Variants in NFXL1 observed in about 807,000 individuals in gnomAD.
NFXL1 encodes the protein nuclear transcription factor, X-box binding like 1.
NFXL1 carries 66 observed loss-of-function variants against 123.3 expected under a neutral mutation model. The ratio of observed to expected loss-of-function variants is 0.54; its 90% CI spans 0.44 to 0.66. NFXL1 has a LOEUF of 0.66. NFXL1 is among the 30% of genes least tolerant of loss of function. The pLI is 0.00. For missense variants in NFXL1, 944 were observed against 1,125.6 expected (o/e 0.84, Z 2.31); for synonymous variants, 346 against 360.8 (o/e 0.96, Z 0.46).
At position 47,899,458 on chromosome 4, in the gene NFXL1, C is replaced by T. The variant is rs1229300055; in HGVS notation, c.738G>A (p.Pro246=). The change falls in exon 6 of 23, where the codon CCG becomes CCA. Residue 246 remains proline, a synonymous_variant. Coordinates refer to ENST00000507489, the MANE Select transcript of NFXL1 (RefSeq NM_001278624.2). Reference sequence around the variant, plus strand: ...GGCCACATGAATGAGGCACAAGCCACGGATCTAAAGGTGGATCTTCTACTT... The same window carrying T: ...GGCCACATGAATGAGGCACAAGCCATGGATCTAAAGGTGGATCTTCTACTT... ...CGKVEDPPLD[P]WLVPHSCGQV... is the part of the protein sequence containing the mutation. 3 of 1,613,448 alleles carry T rather than the reference C, an allele frequency of 1.9e-6. No homozygotes were observed. The highest frequency in any genetic ancestry group is 2.5e-6 in the Non-Finnish European group (3 of 1,179,406).
intron 5 of NFXL1, among the ~76,000 whole-genome samples, chr4:47,900,226 T>C (rs1016367124): frequency 1.3e-5 from 2 of 152,178 alleles, no homozygotes; most frequent in Admixed American, 6.5e-5. Context: ...TTTTTCTTTT[T>C]TGAGAAAAAG....
In NFXL1 at chr4:47,910,982, T is replaced by G; in HGVS notation, c.248A>C (p.Gln83Pro). ...QTTAASELMS[Q>P]KKFEEIKKAN... Reference sequence around the variant, plus strand: ...TTTCTTGATTTCTTCAAATTTTTTCTGAGACATTAGCTCTGTTTAAAAGAA... The same window carrying G: ...TTTCTTGATTTCTTCAAATTTTTTCGGAGACATTAGCTCTGTTTAAAAGAA... Residue 83 changes from glutamine to proline, a missense_variant, in exon 3 of 23, where the codon CAG (glutamine) becomes CCG (proline). This residue lies in a region of NFXL1 where 303 missense variants were observed against 292.1 expected (regional missense o/e 1.04). Transcript: ENST00000507489. The G allele has an allele frequency of 3.1e-6, 5 of 1,594,000 alleles. No homozygotes were observed. Among genetic ancestry groups the G allele is most frequent in the Non-Finnish European group, 4.3e-6 (5 of 1,170,796 alleles).
intron 15 of NFXL1, chr4:47,882,373 A>T (rs1479601578): frequency 2.0e-5 from 3 of 152,212 alleles, no homozygotes; most frequent in Non-Finnish European, 4.4e-5. Context: ...CAGAAGGCAT[A>T]CACATTTCCA....
intron 18 of NFXL1, among the ~76,000 whole-genome samples, chr4:47,866,371 T>C (rs527679653): frequency 1.2e-4 from 19 of 152,320 alleles, no homozygotes; most frequent in African/African-American, 2.6e-4. Flanking sequence ...ATTTAAAAAA[T>C]TGTATTTTCC....
chr4:47,892,782 A>G (rs1736853526), intron 11 of NFXL1, among the ~76,000 whole-genome samples: 1 of 152,218 alleles, frequency 6.6e-6, no homozygotes, highest in South Asian at 2.1e-4. Flanking sequence ...ACAAACAAAA[A>G]GAACCAGCAC....
intron 18 of NFXL1, among the ~76,000 whole-genome samples, chr4:47,865,037 A>T (rs1734969492): frequency 1.3e-5 from 2 of 152,142 alleles, no homozygotes; most frequent in South Asian, 4.1e-4. Flanking sequence ...CACTTTCTCC[A>T]GGTAGTCTCA....
chr4:47,849,797 G>C (rs549871326), intron 22 of NFXL1, among the ~76,000 whole-genome samples: 2 of 152,186 alleles, frequency 1.3e-5, no homozygotes, highest in Admixed American at 1.3e-4. Context: ...ACCTGAGGAT[G>C]ATCAAGTCTC....
chr4:47,863,232 T>A (rs1734861594), intron 18 of NFXL1, among the ~76,000 whole-genome samples: 1 of 141,120 alleles, frequency 7.1e-6, no homozygotes, highest in Non-Finnish European at 1.5e-5. Context: ...CCTATAGATT[T>A]ATCATTATAA....
intron 5 of NFXL1, among the ~76,000 whole-genome samples, chr4:47,902,691 T>C (rs993801869): frequency 6.6e-6 from 1 of 152,182 alleles, no homozygotes; most frequent in African/African-American, 2.4e-5. Flanking sequence ...CTGGATGATT[T>C]ATTAGTTATC....
rs934542065 is a variant in NFXL1, at chr4:47,855,355, T to C, written c.2317-192A>G. Among the ~76,000 whole-genome samples the C allele has an allele frequency of 6.0e-5, 9 of 149,344 alleles. 1 individual carries two copies. Among genetic ancestry groups the C allele is most frequent in the Non-Finnish European group, 1.3e-4 (9 of 67,424 alleles). On this transcript the variant is annotated intron_variant, in intron 19 of 22. Coordinates refer to ENST00000507489, the MANE Select transcript of NFXL1 (RefSeq NM_001278624.2). The stretch of plus-strand genomic sequence containing the variant: ...ATTACACTTATATAATTTAATTATA[T>C]ATATATAATTTAATTATATTTAATT...
chr4:47,872,764 G>A (rs183195336), intron 18 of NFXL1, among the ~76,000 whole-genome samples: 69 of 152,290 alleles, frequency 4.5e-4, no homozygotes, highest in African/African-American at 1.6e-3. Flanking sequence ...CACAGATGGA[G>A]CATCTTGCCT....
intron 11 of NFXL1, among the ~76,000 whole-genome samples, chr4:47,891,555 T>C (rs942018029): frequency 6.6e-6 from 1 of 152,148 alleles, no homozygotes; most frequent in Non-Finnish European, 1.5e-5. Context: ...ATCTATGACC[T>C]GTCCTAATTT....
chr4:47,894,361 T>C, intron 10 of NFXL1, 59 bp from the exon 11 acceptor site: 1 of 1,268,310 alleles, frequency 7.9e-7, no homozygotes, highest in Non-Finnish European at 1.1e-6. Context: ...TTTCCTCACA[T>C]TGCAACTTCT....
intron 12 of NFXL1, among the ~76,000 whole-genome samples, chr4:47,887,195 A>T (rs1413808346): frequency 6.6e-6 from 1 of 152,206 alleles, no homozygotes. Flanking sequence ...TAGTTTTCCC[A>T]GTAAGGAACT....
Position 47,899,535 on chromosome 4 carries a change from A to G in NFXL1, c.661T>C (p.Phe221Leu), listed in dbSNP as rs775397375. The part of the protein sequence containing the change: ...DCPWPCPKCR[F>L]EYKRSETPSR... ...GGTGTTTCAGATCGTTTGTATTCAAACCTACATTTTGGACTACAAAGAAGA... is the reference window on the plus strand; with the variant it reads ...GGTGTTTCAGATCGTTTGTATTCAAGCCTACATTTTGGACTACAAAGAAGA... Residue 221 changes from phenylalanine (F) to leucine (L), a missense_variant, in exon 6 of 23, where the codon TTT becomes CTT. Phe to Leu is a conservative substitution (Grantham distance 22). This residue lies in a region of NFXL1 where 303 missense variants were observed against 292.1 expected (regional missense o/e 1.04). Transcript: ENST00000507489. 1.9e-6 allele frequency: 3 copies of G among 1,610,152 alleles called. No homozygotes were observed. Among genetic ancestry groups the G allele is most frequent in the South Asian group, 1.1e-5 (1 of 90,766 alleles).
chr4:47,870,173 A>G (rs1219333657), intron 18 of NFXL1, among the ~76,000 whole-genome samples: 1 of 152,196 alleles, frequency 6.6e-6, no homozygotes, highest in Non-Finnish European at 1.5e-5. Flanking sequence ...CCAAGGAAAT[A>G]GCCAAGTTTA....
chr4:47,850,296 C>CA (rs1271728735), intron 22 of NFXL1, among the ~76,000 whole-genome samples: 1 of 152,092 alleles, frequency 6.6e-6, no homozygotes, highest in Non-Finnish European at 1.5e-5. Flanking sequence ...TTATTTACTA[C>CA]ATGAATTGTT....
At position 47,862,935 on chromosome 4, in the gene NFXL1, T is replaced by C. The variant is rs1264909869; in HGVS notation, c.2247-20A>G. 1 of 1,403,272 alleles carries C rather than the reference T, an allele frequency of 7.1e-7. No individual in the cohort carries two copies. The highest frequency in any genetic ancestry group is 9.8e-7 in the Non-Finnish European group (1 of 1,018,090). The allele number at this position is 1,403,272 out of a possible 1,614,324, so 86.9% of individuals were successfully genotyped here. A position where few individuals can be genotyped will look rare whatever the true frequency, so the allele number is the denominator to read the frequency against. On this transcript the variant is annotated intron_variant, in intron 18 of 22. Transcript: ENST00000507489. The stretch of plus-strand genomic sequence containing the variant: ...ATTTTTCTAAAAATAAGAAAGTTGA[T>C]GACATTCAAACAAAAATCCATTTTA...
At chr4:47,856,365 T>G (rs1734416910) in intron 19 of NFXL1, among the ~76,000 whole-genome samples, 1 of 152,296 alleles carries the variant, frequency 6.6e-6, no homozygotes, top group South Asian at 2.1e-4. Flanking sequence ...AGTCATCAAC[T>G]TACGGTGGTG....
Sources: gnomAD v4.1 joint callset for allele counts (sites outside exome capture counted in the v4.1 genomes callset) on GRCh38, gnomAD v4.1.1 for gene constraint, gnomAD v4.1.1 regional missense constraint, MANE v1.5 for transcripts, NCBI Gene and HGNC (gene_info 2026-07-23, HGNC 2026-07-21) for gene names.